NKAIN2: variants seen among roughly 807,000 people sequenced by gnomAD.
NKAIN2 encodes sodium/potassium-transporting ATPase subunit beta-1-interacting protein 2.
NKAIN2 carries 14 observed loss-of-function variants against 32.6 expected under a neutral mutation model. That is an observed-to-expected ratio of 0.43 (90% CI 0.28 to 0.67). NKAIN2 has a LOEUF of 0.67. NKAIN2 is among the 30% of genes least tolerant of loss of function. NKAIN2 has a pLI of 0.17. For synonymous variants in NKAIN2, 80 were observed against 87.2 expected (o/e 0.92, Z 0.46); for missense variants, 198 against 258.3 (o/e 0.77, Z 1.60).
rs116672799 is a variant in NKAIN2 at position 124,628,066 on chromosome 6, A to T, written c.274-30120A>T. Among the ~76,000 whole-genome samples, 577 of 152,252 alleles carry T rather than the reference A, an allele frequency of 3.8e-3. 4 individuals carry two copies. The highest frequency in any genetic ancestry group is 0.013 in the African/African-American group (552 of 41,550). The stretch of plus-strand genomic sequence containing the variant: ...ACTTTCACACACATACACATACATG[A>T]GAAACACTGCAGCCACACAGAGCTA... On this transcript the variant is annotated intron_variant, in intron 3 of 6. Coordinates refer to ENST00000368417, the MANE Select transcript of NKAIN2 (RefSeq NM_001040214.3).
chr6:124,053,531 A>G (rs563225866), intron 1 of NKAIN2, among the ~76,000 whole-genome samples: 8 of 152,046 alleles, frequency 5.3e-5, no homozygotes, highest in Non-Finnish European at 1.2e-4. Context: ...CTTGTCAAAG[A>G]CAATTTATGA....
At chr6:124,104,114 G>A (rs1030796183) in intron 1 of NKAIN2, among the ~76,000 whole-genome samples, 1 of 151,924 alleles carries the variant, frequency 6.6e-6, no homozygotes, top group Non-Finnish European at 1.5e-5. Flanking sequence ...CATAAAAACA[G>A]AAGAAAAAAT....
At chr6:124,063,335 T>G (rs1783009917) in intron 1 of NKAIN2, among the ~76,000 whole-genome samples, 1 of 152,146 alleles carries the variant, frequency 6.6e-6, no homozygotes, top group Admixed American at 6.6e-5. Flanking sequence ...AGTACTATGT[T>G]TTATGTCTTC....
rs962022628 is a variant in NKAIN2, at chr6:124,071,453, A to G, written c.55-211552A>G. On this transcript the variant is annotated intron_variant, in intron 1 of 6. Coordinates refer to ENST00000368417, the MANE Select transcript of NKAIN2 (RefSeq NM_001040214.3). Reference sequence around the variant, plus strand: ...TACTAAGTCCTCAAAAGCAATTGCAACAAAAACAAAAATTGACAAGTGGGA... The same window carrying G: ...TACTAAGTCCTCAAAAGCAATTGCAGCAAAAACAAAAATTGACAAGTGGGA... 3.3e-5 allele frequency among the ~76,000 whole-genome samples: 5 copies of G among 152,318 alleles called. No individual in the cohort carries two copies. In the Middle Eastern group the frequency reaches 0.01, roughly 311 times the overall value.
chr6:124,637,514 TC>T (rs1783819843), intron 3 of NKAIN2, among the ~76,000 whole-genome samples: 1 of 152,104 alleles, frequency 6.6e-6, no homozygotes, highest in Non-Finnish European at 1.5e-5. Flanking sequence ...CATTATTTTT[TC>T]TTTAGAAAAA....
intron 1 of NKAIN2, among the ~76,000 whole-genome samples, chr6:123,992,063 A>G (rs907855257): frequency 6.6e-6 from 1 of 152,148 alleles, no homozygotes; most frequent in African/African-American, 2.4e-5. Flanking sequence ...AAAGAAACTA[A>G]ATTTTTTTGA....
chr6:124,309,887 C>A (rs1363902364), intron 2 of NKAIN2, among the ~76,000 whole-genome samples: 1 of 152,064 alleles, frequency 6.6e-6, no homozygotes, highest in East Asian at 1.9e-4. Context: ...TCTTTCCCTT[C>A]TCTCTCCTTC....
At chr6:124,110,842 C>T (rs62435626) in intron 1 of NKAIN2, among the ~76,000 whole-genome samples, 3,795 of 152,102 alleles carry the variant, frequency 0.025, 68 homozygotes, top group Non-Finnish European at 0.038. Flanking sequence ...TTGTGAATAG[C>T]GCTGAGATGG....
intron 1 of NKAIN2, among the ~76,000 whole-genome samples, chr6:124,040,834 T>C (rs888194813): frequency 2.0e-5 from 3 of 151,978 alleles, no homozygotes; most frequent in South Asian, 4.1e-4. Context: ...CTTATTTCAG[T>C]GACATGAAAA....
intron 1 of NKAIN2, among the ~76,000 whole-genome samples, chr6:124,018,673 C>G (rs1780711914): frequency 6.6e-6 from 1 of 152,178 alleles, no homozygotes; most frequent in Non-Finnish European, 1.5e-5. Context: ...CCATCTGAGG[C>G]ACCTCAACCT....
intron 2 of NKAIN2, among the ~76,000 whole-genome samples, chr6:124,303,133 C>G (rs554267271): frequency 1.6e-4 from 24 of 152,084 alleles, no homozygotes; most frequent in African/African-American, 4.6e-4. Flanking sequence ...TTAAGATGCA[C>G]AAAATATAAA....
At chr6:124,064,492 T>C (rs1448107484) in intron 1 of NKAIN2, among the ~76,000 whole-genome samples, 1 of 152,022 alleles carries the variant, frequency 6.6e-6, no homozygotes, top group Non-Finnish European at 1.5e-5. Flanking sequence ...GGTTTTTTTT[T>C]TCCAGAAACA....
At chr6:123,952,919 A>T (rs1334689230) in intron 1 of NKAIN2, among the ~76,000 whole-genome samples, 2 of 152,112 alleles carry the variant, frequency 1.3e-5, no homozygotes. Flanking sequence ...TCACTGTATT[A>T]CTTTGGAGGT....
intron 4 of NKAIN2, among the ~76,000 whole-genome samples, chr6:124,710,020 G>T (rs1170392888): frequency 6.6e-6 from 1 of 151,850 alleles, no homozygotes; most frequent in South Asian, 2.1e-4. Context: ...CAGAGATTCT[G>T]GTATGTTGTG....
chr6:124,646,590 C>G (rs1784178146), intron 3 of NKAIN2, among the ~76,000 whole-genome samples: 1 of 152,134 alleles, frequency 6.6e-6, no homozygotes, highest in Admixed American at 6.6e-5. Flanking sequence ...GCAACAACAA[C>G]AACAAAAACA....
chr6:124,117,939 T>G (rs1785695030), intron 1 of NKAIN2, among the ~76,000 whole-genome samples: 1 of 151,404 alleles, frequency 6.6e-6, no homozygotes, highest in Non-Finnish European at 1.5e-5. Flanking sequence ...ATGGCATACC[T>G]TAGGAGGTTT....
intron 4 of NKAIN2, among the ~76,000 whole-genome samples, chr6:124,680,939 TATAA>T (rs1350976382): frequency 2.6e-5 from 4 of 152,050 alleles, no homozygotes; most frequent in Admixed American, 2.6e-4. Context: ...TTTCTTAATA[TATAA>T]ATAAAAAATA....
intron 3 of NKAIN2, among the ~76,000 whole-genome samples, chr6:124,537,686 T>A (rs1431473760): frequency 1.3e-5 from 2 of 152,236 alleles, no homozygotes; most frequent in Non-Finnish European, 2.9e-5. Flanking sequence ...TGCTGGATTC[T>A]GCTTCCCTTT....
chr6:124,759,588 A>AACACACAC (rs542448143), intron 4 of NKAIN2, among the ~76,000 whole-genome samples: 66 of 84,538 alleles, frequency 7.8e-4, no homozygotes, highest in African/African-American at 3.2e-3. Context: ...CTGAAATTGC[A>AACACACAC]ACACACACAC....
Sources: allele counts gnomAD v4.1 joint callset (sites outside exome capture counted in the v4.1 genomes callset), GRCh38; gene constraint gnomAD v4.1.1; transcripts MANE v1.5; gene names NCBI Gene and HGNC (gene_info 2026-07-23, HGNC 2026-07-21).